Variants in RAD54B observed in about 807,000 individuals in gnomAD.
RAD54B encodes DNA repair and recombination protein RAD54B.
Under a neutral mutation model 95.8 loss-of-function variants are expected in RAD54B, and 78 were observed. The ratio of observed to expected loss-of-function variants is 0.81; its 90% CI spans 0.68 to 0.98. The LOEUF (loss-of-function observed/expected upper bound fraction) is 0.98. Ranked by LOEUF, RAD54B falls within the 50% of genes least tolerant of loss-of-function variation. The pLI is 0.00. For missense variants in RAD54B, 957 were observed against 1,056.6 expected, an observed-to-expected ratio of 0.91 and a Z score of 1.31; for synonymous variants, 328 against 354.9, an observed-to-expected ratio of 0.92 and a Z score of 0.85.
chr8:94,382,769 C>T (rs1810777226), intron 11 of RAD54B, among the ~76,000 whole-genome samples: 1 of 152,106 alleles, frequency 6.6e-6, no homozygotes, highest in African/African-American at 2.4e-5. Context: ...ACGAGATCTG[C>T]TGGTTTTATA....
intron 3 of RAD54B, among the ~76,000 whole-genome samples, chr8:94,447,109 T>C (rs1330617003): frequency 6.6e-6 from 1 of 152,204 alleles, no homozygotes; most frequent in African/African-American, 2.4e-5. Context: ...TATTCTGTGA[T>C]GTTAAGCAGT....
chr8:94,432,748 G>T, intron 3 of RAD54B: 2 of 1,318,992 alleles, frequency 1.5e-6, no homozygotes, highest in South Asian at 2.2e-5. Context: ...TACATTAAAT[G>T]ATAAAGCTTT....
chr8:94,386,097 T>G (rs1027708529), intron 11 of RAD54B, among the ~76,000 whole-genome samples: 1 of 152,150 alleles, frequency 6.6e-6, no homozygotes, highest in African/African-American at 2.4e-5. Context: ...GTCAGGGGGC[T>G]GAAAGTAAGA....
At chr8:94,401,056 C>A (rs1330986567) in intron 6 of RAD54B, among the ~76,000 whole-genome samples, 1 of 152,072 alleles carries the variant, frequency 6.6e-6, no homozygotes, top group Non-Finnish European at 1.5e-5. Context: ...ATTAGTAAGA[C>A]CATGTATTTT....
intron 3 of RAD54B, among the ~76,000 whole-genome samples, chr8:94,454,645 C>A (rs1310524919): frequency 6.6e-6 from 1 of 152,140 alleles, no homozygotes; most frequent in African/African-American, 2.4e-5. Context: ...ATTCATTCAC[C>A]ATCCCTATTT....
At chr8:94,390,371 G>T (rs1472317099) in intron 10 of RAD54B, among the ~76,000 whole-genome samples, 4 of 150,912 alleles carry the variant, frequency 2.7e-5, no homozygotes, top group Non-Finnish European at 5.9e-5. Flanking sequence ...GTGGTGGCAG[G>T]CGCCTGTAAT....
At chr8:94,442,448 G>A (rs528853745) in intron 3 of RAD54B, among the ~76,000 whole-genome samples, 8 of 151,786 alleles carry the variant, frequency 5.3e-5, no homozygotes, top group South Asian at 4.2e-4. Context: ...GGTGGCAGGC[G>A]CCTGTAGTCC....
intron 2 of RAD54B, 97 bp from the exon 3 acceptor site, chr8:94,458,533 T>C (rs540328492): frequency 2.3e-6 from 2 of 878,410 alleles, no homozygotes; most frequent in Non-Finnish European, 3.3e-6. Context: ...AAACAGGACA[T>C]ACTGGTTATA....
intron 3 of RAD54B, among the ~76,000 whole-genome samples, chr8:94,425,268 T>C (rs1369274782): frequency 1.3e-5 from 2 of 148,756 alleles, no homozygotes; most frequent in Non-Finnish European, 3.0e-5. Context: ...GTCTTCAGGT[T>C]GGTCTCCAAC....
At chr8:94,408,963 G>A (rs902297223) in intron 4 of RAD54B, among the ~76,000 whole-genome samples, 3 of 150,972 alleles carry the variant, frequency 2.0e-5, no homozygotes, top group Non-Finnish European at 4.4e-5. Context: ...GTCGCTAGAA[G>A]CTTTTCTTTT....
chr8:94,441,378 C>A (rs1402114155), intron 3 of RAD54B, among the ~76,000 whole-genome samples: 1 of 152,168 alleles, frequency 6.6e-6, no homozygotes, highest in African/African-American at 2.4e-5. Context: ...GGGGTTCCCA[C>A]AATCCCCTCT....
rs115643130 is a variant in RAD54B, at chr8:94,404,229, A to G, written c.792T>C (p.Val264=). The G allele has an allele frequency of 2.8e-4, 442 of 1,587,490 alleles. 1 individual carries two copies. In the East Asian group the frequency reaches 9.0e-3, roughly 32 times the overall value. ...GGTGATTCTTATCTGGTCGTGGCAT[A>G]ACGAGGGAATCTTAAAAAATGATAA... ...RHDPYTPNSL[V]MPRPDKNHQW... is the part of the protein sequence containing the mutation. The change falls in exon 6 of 15, where the codon GTT becomes GTC. Residue 264 remains valine, a synonymous_variant. Transcript: ENST00000336148.
intron 3 of RAD54B, chr8:94,430,521 G>T: frequency 2.3e-6 from 2 of 863,014 alleles, no homozygotes; most frequent in Non-Finnish European, 2.8e-6. Flanking sequence ...TATTAAAAGA[G>T]ATTGCTGACA....
intron 6 of RAD54B, among the ~76,000 whole-genome samples, chr8:94,403,514 T>G (rs978448976): frequency 3.9e-5 from 6 of 151,922 alleles, no homozygotes; most frequent in African/African-American, 1.5e-4. Flanking sequence ...CCGTCTCTAC[T>G]AAAAATACAA....
chr8:94,392,278 T>C (rs1215178933), intron 9 of RAD54B, among the ~76,000 whole-genome samples: 3 of 152,224 alleles, frequency 2.0e-5, no homozygotes, highest in African/African-American at 7.2e-5. Context: ...GTTGTTGTTT[T>C]TGAGACAGAG....
chr8:94,450,663 T>C (rs1395725024), intron 3 of RAD54B, among the ~76,000 whole-genome samples: 1 of 152,106 alleles, frequency 6.6e-6, no homozygotes, highest in African/African-American at 2.4e-5. Context: ...GCAAATCACT[T>C]GGAGCCAGGA....
chr8:94,447,234 A>C (rs1291335811), intron 3 of RAD54B, among the ~76,000 whole-genome samples: 1 of 152,166 alleles, frequency 6.6e-6, no homozygotes, highest in African/African-American at 2.4e-5. Flanking sequence ...TACTCTATAT[A>C]ATCTAAATTT....
At chr8:94,427,981 GAA>G in intron 3 of RAD54B, 2 of 922,208 alleles carry the variant, frequency 2.2e-6, no homozygotes, top group South Asian at 5.0e-5. Flanking sequence ...ATACACAAAA[GAA>G]AAATACTTGA....
intron 3 of RAD54B, chr8:94,432,728 T>C (rs1812142030): frequency 2.9e-6 from 4 of 1,376,410 alleles, no homozygotes; most frequent in Non-Finnish European, 3.8e-6. Context: ...AGCATAATTT[T>C]AATTTAATGT....
Sources: gnomAD v4.1 joint callset for allele counts (sites outside exome capture counted in the v4.1 genomes callset) on GRCh38, gnomAD v4.1.1 for gene constraint, MANE v1.5 for transcripts, NCBI Gene and HGNC (gene_info 2026-07-23, HGNC 2026-07-21) for gene names.